The following SHC2 variants were observed in gnomAD, a reference collection of about 807,000 sequenced individuals.
SHC2 encodes the protein SHC adaptor protein 2, also known as SHC-transforming protein 2.
In SHC2, 62 loss-of-function variants were observed where a neutral mutation model predicts 60.6. That is an observed-to-expected ratio of 1.02 (90% CI 0.83 to 1.26). The LOEUF is 1.26. Ranked by LOEUF, SHC2 falls within the 50% of genes most tolerant of loss-of-function variation. The probability of loss-of-function intolerance (pLI) is 0.00; values close to 1 mark genes in which losing one functional copy is unlikely to be tolerated. For missense variants in SHC2, 873 were observed against 822.2 expected, an observed-to-expected ratio of 1.06 and a Z score of -0.76; for synonymous variants, 375 against 372.4, an observed-to-expected ratio of 1.01 and a Z score of -0.08.
chr19:439,375 C>CGGCCCACAAGGAA (rs1474412702), intron 2 of SHC2: 1 of 336,038 alleles, frequency 3.0e-6, no homozygotes. Flanking sequence ...TCCCTGGCCT[C>CGGCCCACAAGGAA]GGCCCACAAG....
Position 441,925 on chromosome 19 carries a change from A to T in SHC2, c.469-993T>A, listed in dbSNP as rs567427830. Among the ~76,000 whole-genome samples the T allele has an allele frequency of 3.3e-5, 5 of 152,308 alleles. No individual in the cohort carries two copies. The highest frequency in any genetic ancestry group is 1.2e-4 in the African/African-American group (5 of 41,566). On this transcript the variant is annotated intron_variant, in intron 1 of 12. Transcript: ENST00000264554. This position sits in a 1 kb window ranked among gnomAD's most constrained non-coding sequence, Gnocchi z 4.9. ...AGATACATCAGCCTGAGGGCTTCTG[A>T]GGTGTGTACAGGTCACTGTGTGGGC...
Position 438,070 on chromosome 19 carries a change from C to T in SHC2, c.720+648G>A, listed in dbSNP as rs1974764396. On this transcript the variant is annotated intron_variant, in intron 4 of 12. Coordinates refer to ENST00000264554, the MANE Select transcript of SHC2 (RefSeq NM_012435.3). The surrounding 1 kb of genome is among the most constrained non-coding windows in gnomAD (Gnocchi z 5.0). ...TGCAATCTTGGCTCACTGCAACCTC[C>T]ACTCCCAGGTTCAAGCGATTCTCCT... Among the ~76,000 whole-genome samples, 1 of 152,168 alleles carries T rather than the reference C, an allele frequency of 6.6e-6. No individual in the cohort carries two copies. Among genetic ancestry groups the T allele is most frequent in the South Asian group, 2.1e-4 (1 of 4,828 alleles).
intron 9 of SHC2, among the ~76,000 whole-genome samples, chr19:427,036 C>CG (rs1444566536): frequency 2.6e-5 from 4 of 152,158 alleles, no homozygotes; most frequent in African/African-American, 9.7e-5. Flanking sequence ...GGCGAGCCCC[C>CG]GGTCCGGGGT....
At position 434,758 on chromosome 19, in the gene SHC2, T is replaced by A; in HGVS notation, c.1061A>T (p.Asp354Val). Residue 354 changes from aspartate to valine, a missense_variant, in exon 8 of 13, where the codon GAC becomes GTC. Transcript: ENST00000264554. ...GGGCTGTGTCAGGGCCAGCCTGGAG[T>A]CCACTAGCCCGCCCAGCGGCGGCTC... ...GKEPPLGGLV[D>V]SRLALTQPCA... The A allele has an allele frequency of 6.2e-7, 1 of 1,612,338 alleles. No individual in the cohort carries two copies. The highest frequency in any genetic ancestry group is 1.1e-5 in the South Asian group (1 of 91,040).
At chr19:452,785 C>G (rs1218430180) in intron 1 of SHC2, among the ~76,000 whole-genome samples, 1 of 152,212 alleles carries the variant, frequency 6.6e-6, no homozygotes, top group Non-Finnish European at 1.5e-5. Flanking sequence ...CTCAGAATCA[C>G]CTGGAGGACT....
chr19:457,942 G>A (rs1340489719), intron 1 of SHC2, among the ~76,000 whole-genome samples: 6 of 152,120 alleles, frequency 3.9e-5, no homozygotes, highest in African/African-American at 1.4e-4. Context: ...CGGGGGAGGC[G>A]GAAGTGGGTC....
At chr19:459,721 T>C (rs1600337816) in intron 1 of SHC2, among the ~76,000 whole-genome samples, 1 of 152,210 alleles carries the variant, frequency 6.6e-6, no homozygotes, top group South Asian at 2.1e-4. Context: ...CACAGGCTAA[T>C]GTTCCTGGCC....
In SHC2 at chr19:438,128, C is replaced by T. The variant is rs901654260; in HGVS notation, c.720+590G>A. Reference sequence around the variant, plus strand: ...CCTCCCAAGTAGCTGGGATTACAGGCGCCCACCACCACACCCGGCTAATCT... The same window carrying T: ...CCTCCCAAGTAGCTGGGATTACAGGTGCCCACCACCACACCCGGCTAATCT... On this transcript the variant is annotated intron_variant, in intron 4 of 12. Transcript: ENST00000264554. This position sits in a 1 kb window ranked among gnomAD's most constrained non-coding sequence, Gnocchi z 5.0. Among the ~76,000 whole-genome samples, 8 of 152,240 alleles carry T rather than the reference C, an allele frequency of 5.3e-5. No individual in the cohort carries two copies. In the East Asian group the frequency reaches 1.2e-3, roughly 22 times the overall value.
intron 8 of SHC2, among the ~76,000 whole-genome samples, chr19:431,610 G>A (rs1445525954): frequency 2.4e-4 from 10 of 42,356 alleles, no homozygotes; most frequent in African/African-American, 4.3e-4. Context: ...GATAGATGGC[G>A]CTTCATCGTG....
In SHC2 at chr19:422,414, G is replaced by A. The variant is rs768889300; in HGVS notation, c.1352C>T (p.Ala451Val). Residue 451 changes from alanine (A) to valine (V), a missense_variant, in exon 11 of 13, where the codon GCG (alanine) becomes GTG (valine). Ala to Val is a moderately conservative substitution (Grantham distance 64, BLOSUM62 0). Transcript: ENST00000264554. The surrounding 1 kb of genome is among the most constrained non-coding windows in gnomAD (Gnocchi z 5.0). ...DALKLHECSV[A>V]AGVTAAPLPL... Reference sequence around the variant, plus strand: ...AAGAGGGGCTGCTGTCACGCCTGCCGCCACTGAGCACTCATGCAACTTCAG... The same window carrying A: ...AAGAGGGGCTGCTGTCACGCCTGCCACCACTGAGCACTCATGCAACTTCAG... 7.4e-5 allele frequency: 118 copies of A among 1,590,912 alleles called. No homozygotes were observed. The highest frequency in any genetic ancestry group is 3.9e-4 in the East Asian group (17 of 44,066).
At chr19:426,390 A>AG (rs1974417979) in intron 9 of SHC2, among the ~76,000 whole-genome samples, 1 of 143,320 alleles carries the variant, frequency 7.0e-6, no homozygotes, top group South Asian at 2.5e-4. Context: ...GGAGGACGAC[A>AG]CCGAGAGGGG....
chr19:451,576 G>T (rs1329743364), intron 1 of SHC2, among the ~76,000 whole-genome samples: 1 of 152,180 alleles, frequency 6.6e-6, no homozygotes, highest in Non-Finnish European at 1.5e-5. Context: ...TGGATCATAA[G>T]GTAATTCTCT....
intron 4 of SHC2, among the ~76,000 whole-genome samples, chr19:437,224 G>A (rs547432665): frequency 2.0e-5 from 3 of 151,920 alleles, no homozygotes; most frequent in South Asian, 4.2e-4. Context: ...GGTCATCTGC[G>A]TGCTCGTTTG....
At position 438,785 on chromosome 19, in the gene SHC2, G is replaced by T. The variant is rs866140839; in HGVS notation, c.653C>A (p.Ala218Asp). 2.5e-6 allele frequency: 4 copies of T among 1,575,826 alleles called. No homozygotes were observed. The East Asian group carries it at 9.4e-5, about 37-fold the overall frequency. ...GATGTGGATGGAGATGCTCATGCCG[G>T]CAAAGCGAAGGTTGCTCTTGCCCAG... ...SVLGKSNLRFAGMSISIHIST... is the reference protein window; with the variant it reads ...SVLGKSNLRFDGMSISIHIST... The change falls in exon 4 of 13, where the codon GCC becomes GAC. Residue 218 changes from alanine to aspartate, a missense_variant. By Grantham distance (126) the Ala-to-Asp change is moderately radical. Coordinates refer to ENST00000264554, the MANE Select transcript of SHC2 (RefSeq NM_012435.3). This position sits in a 1 kb window ranked among gnomAD's most constrained non-coding sequence, Gnocchi z 5.0.
intron 1 of SHC2, among the ~76,000 whole-genome samples, chr19:451,661 G>A (rs904027388): frequency 3.3e-5 from 5 of 152,164 alleles, no homozygotes; most frequent in Non-Finnish European, 7.4e-5. Flanking sequence ...GCAGTGGCGT[G>A]ATCTCGGCTC....
chr19:458,952 G>T (rs990235663), intron 1 of SHC2, among the ~76,000 whole-genome samples: 1 of 152,066 alleles, frequency 6.6e-6, no homozygotes, highest in Non-Finnish European at 1.5e-5. Context: ...GCTTCTGGGG[G>T]CTCCCACAGG....
intron 7 of SHC2, chr19:435,907 A>T: frequency 2.2e-6 from 1 of 456,698 alleles, no homozygotes; most frequent in Non-Finnish European, 4.0e-6. Flanking sequence ...TTGTAGCAGC[A>T]GGGCTGACAG....
rs186108801 is a variant in SHC2 at position 441,763 on chromosome 19, C to T, written c.469-831G>A. 3.7e-4 allele frequency among the ~76,000 whole-genome samples: 56 copies of T among 152,342 alleles called. 1 individual carries two copies. In the East Asian group the frequency reaches 6.6e-3, roughly 18 times the overall value. ...GTGGTGGCACGATATTATGAATGTACGAAATGCTACTGAACTGTGAAAAAT... is the reference window on the plus strand; with the variant it reads ...GTGGTGGCACGATATTATGAATGTATGAAATGCTACTGAACTGTGAAAAAT... On this transcript the variant is annotated intron_variant, in intron 1 of 12. Transcript: ENST00000264554. This position sits in a 1 kb window ranked among gnomAD's most constrained non-coding sequence, Gnocchi z 4.9.
At chr19:450,761 T>G (rs1292711485) in intron 1 of SHC2, among the ~76,000 whole-genome samples, 1 of 151,312 alleles carries the variant, frequency 6.6e-6, no homozygotes, top group Non-Finnish European at 1.5e-5. Context: ...TTTCTTTCCT[T>G]GGCCGCATCA....
Sources: gnomAD v4.1 joint callset for allele counts (sites outside exome capture counted in the v4.1 genomes callset) on GRCh38, gnomAD v4.1.1 for gene constraint, Gnocchi (gnomAD v3.1) non-coding constraint, MANE v1.5 for transcripts, NCBI Gene and HGNC (gene_info 2026-07-23, HGNC 2026-07-21) for gene names.